PDE4B: variants seen among roughly 807,000 people sequenced by gnomAD.
The protein encoded by PDE4B is 3',5'-cyclic-AMP phosphodiesterase 4B.
Under a neutral mutation model 82.2 loss-of-function variants are expected in PDE4B, and 20 were observed. The observed-to-expected ratio is 0.24, with a 90% confidence interval of 0.17 to 0.35. PDE4B has a LOEUF of 0.35. Among genes scored for constraint, PDE4B ranks in the 10% least tolerant of loss-of-function variants. The pLI, the probability that PDE4B is intolerant of heterozygous loss-of-function variation, is 1.00. For synonymous variants in PDE4B, 320 were observed against 318.9 expected, an observed-to-expected ratio of 1.00 and a Z score of -0.04; for missense variants, 655 against 907.2, an observed-to-expected ratio of 0.72 and a Z score of 3.57.
chr1:65,893,682 A>ATCATATAT (rs1646876958), intron 1 of PDE4B, among the ~76,000 whole-genome samples: 1 of 92,922 alleles, frequency 1.1e-5, no homozygotes. Flanking sequence ...CATTATATGA[A>ATCATATAT]ACATGCACAC....
At chr1:66,160,746 A>C (rs1391112883) in intron 3 of PDE4B, among the ~76,000 whole-genome samples, 3 of 152,164 alleles carry the variant, frequency 2.0e-5, no homozygotes, top group African/African-American at 7.2e-5. Context: ...TGACCTCTGA[A>C]TTTTGTTTCT....
At chr1:66,189,739 T>A (rs1473520465) in intron 3 of PDE4B, among the ~76,000 whole-genome samples, 1 of 151,758 alleles carries the variant, frequency 6.6e-6, no homozygotes, top group African/African-American at 2.4e-5. Flanking sequence ...TTCATCTAAT[T>A]TTTTTTTCAA....
At chr1:66,288,758 G>A (rs1656862984) in intron 7 of PDE4B, among the ~76,000 whole-genome samples, 1 of 152,124 alleles carries the variant, frequency 6.6e-6, no homozygotes, top group Non-Finnish European at 1.5e-5. Context: ...GAATTAAATG[G>A]CAGTGATAAG....
rs187299388 is a variant in PDE4B at position 66,008,755 on chromosome 1, A to G, written c.281+89920A>G. On this transcript the variant is annotated intron_variant, in intron 3 of 16. Transcript: ENST00000341517. ...GTTCTTCCTGAGATTATGACATTCC[A>G]TGTGCCAAATATAATGACCAATTCC... Among the ~76,000 whole-genome samples, 824 of 152,032 alleles carry G rather than the reference A, an allele frequency of 5.4e-3. 4 individuals carry two copies. Among genetic ancestry groups the G allele is most frequent in the African/African-American group, 0.019 (781 of 41,468 alleles).
At chr1:66,150,673 T>G (rs1477973105) in intron 3 of PDE4B, among the ~76,000 whole-genome samples, 2 of 152,234 alleles carry the variant, frequency 1.3e-5, no homozygotes, top group Admixed American at 1.3e-4. Flanking sequence ...CTGTGGGTTT[T>G]TCATAGATGT....
intron 3 of PDE4B, among the ~76,000 whole-genome samples, chr1:66,202,680 T>C (rs910466185): frequency 1.3e-5 from 2 of 152,130 alleles, no homozygotes; most frequent in Non-Finnish European, 2.9e-5. Context: ...CCCTGCCTTT[T>C]TTTGTTTTCC....
intron 3 of PDE4B, among the ~76,000 whole-genome samples, chr1:65,956,587 C>A (rs1049261896): frequency 2.6e-5 from 4 of 152,114 alleles, no homozygotes; most frequent in Admixed American, 6.6e-5. Flanking sequence ...TTGTTTGCTT[C>A]TCCAGTGACT....
chr1:66,008,005 T>A (rs904586315), intron 3 of PDE4B, among the ~76,000 whole-genome samples: 1 of 152,114 alleles, frequency 6.6e-6, no homozygotes, highest in African/African-American at 2.4e-5. Flanking sequence ...CCATCCCCTT[T>A]GCAACTTCCA....
rs149869656 is a variant in PDE4B at position 66,211,637 on chromosome 1, G to T, written c.282-35823G>T. Among the ~76,000 whole-genome samples, 1,362 of 152,268 alleles carry T rather than the reference G, an allele frequency of 8.9e-3. 11 individuals are homozygous for T. Among genetic ancestry groups the T allele is most frequent in the Non-Finnish European group, 0.015 (1,001 of 68,034 alleles). ...TAATCCTCTCAGCATTTTCACGTGG[G>T]TGCTTTAATTAGCCCTGGTTTATAA... On this transcript the variant is annotated intron_variant, in intron 3 of 16. Transcript: ENST00000341517.
At chr1:65,934,080 G>A (rs186768385) in intron 3 of PDE4B, among the ~76,000 whole-genome samples, 21 of 152,074 alleles carry the variant, frequency 1.4e-4, no homozygotes, top group Admixed American at 1.4e-3. Context: ...TTTTATGTAA[G>A]CCCCATAGTG....
intron 3 of PDE4B, among the ~76,000 whole-genome samples, chr1:65,970,280 A>G (rs1569851698): frequency 6.6e-6 from 1 of 151,446 alleles, no homozygotes. Context: ...ATTCTTCCAT[A>G]TGAAACTGAC....
intron 8 of PDE4B, among the ~76,000 whole-genome samples, chr1:66,342,584 T>C (rs1661079801): frequency 6.7e-6 from 1 of 148,802 alleles, no homozygotes; most frequent in Non-Finnish European, 1.5e-5. Context: ...GAAAAAAAAT[T>C]AGCTGGGCAT....
intron 1 of PDE4B, among the ~76,000 whole-genome samples, chr1:65,838,311 C>T (rs1393346411): frequency 6.6e-6 from 1 of 151,728 alleles, no homozygotes; most frequent in East Asian, 1.9e-4. Flanking sequence ...ATTTAATTGC[C>T]CCTTGCTTGT....
chr1:66,310,807 TA>T (rs1658615352), intron 7 of PDE4B, among the ~76,000 whole-genome samples: 1 of 152,212 alleles, frequency 6.6e-6, no homozygotes, highest in Non-Finnish European at 1.5e-5. Context: ...TGACACTTAC[TA>T]GATCTTTAAT....
chr1:65,947,072 T>C (rs903931557), intron 3 of PDE4B, among the ~76,000 whole-genome samples: 2 of 151,970 alleles, frequency 1.3e-5, no homozygotes, highest in African/African-American at 4.8e-5. Flanking sequence ...TTTTTGCACA[T>C]CAGGCACGGT....
chr1:66,146,245 G>A (rs1041554203), intron 3 of PDE4B, among the ~76,000 whole-genome samples: 8 of 134,162 alleles, frequency 6.0e-5, no homozygotes, highest in South Asian at 4.8e-4. Context: ...GTGCAGTGGC[G>A]CAATCTCTGC....
chr1:66,063,035 G>A (rs984219787), intron 3 of PDE4B: 7 of 151,990 alleles, frequency 4.6e-5, no homozygotes, highest in Non-Finnish European at 1.0e-4. Context: ...TGCTGGTACT[G>A]CTTGTCTCTA....
intron 3 of PDE4B, among the ~76,000 whole-genome samples, chr1:66,197,500 G>C (rs1408303955): frequency 6.6e-6 from 1 of 152,074 alleles, no homozygotes; most frequent in East Asian, 1.9e-4. Context: ...ATTTAAAACG[G>C]AATATTCAGG....
chr1:66,232,453 T>A (rs1473257584), intron 3 of PDE4B, among the ~76,000 whole-genome samples: 1 of 152,234 alleles, frequency 6.6e-6, no homozygotes, highest in Non-Finnish European at 1.5e-5. Flanking sequence ...TTTTCTGTAG[T>A]TCTCATTGTT....
Sources: allele counts gnomAD v4.1 joint callset (sites outside exome capture counted in the v4.1 genomes callset), GRCh38; gene constraint gnomAD v4.1.1; transcripts MANE v1.5; gene names NCBI Gene and HGNC (gene_info 2026-07-23, HGNC 2026-07-21).